Variants in USP26 observed in about 807,000 individuals in gnomAD.
The protein encoded by USP26 is ubiquitin specific peptidase 26.
For missense variants in USP26, 649 were observed against 642.3 expected (o/e 1.01, Z -0.11); for synonymous variants, 236 against 240.6 (o/e 0.98, Z 0.18).
intron 5 of USP26, among the ~76,000 whole-genome samples, chrX:133,059,650 A>G (rs1276229548): frequency 9.1e-6 from 1 of 109,608 alleles, no homozygotes; most frequent in East Asian, 2.9e-4. Context: ...AAAACAGTCT[A>G]TTAAATTAAT....
chrX:133,076,327 T>C (rs1411135005), intron 5 of USP26, among the ~76,000 whole-genome samples: 1 of 111,301 alleles, frequency 9.0e-6, no homozygotes, highest in Non-Finnish European at 1.9e-5. Context: ...GCTAACTCTT[T>C]GAGTTCATAA....
In USP26 at chrX:133,023,647, A is replaced by G. The variant is rs1028572846; in HGVS notation, c.*1832T>C. On this transcript the variant is annotated 3_prime_UTR_variant, in exon 6 of 6. Coordinates refer to ENST00000511190, the MANE Select transcript of USP26 (RefSeq NM_031907.3). ...TTCTTCCCTAAGAGTGATCAATTCA[A>G]TCTATGATATTCCCTCCTATATACC... Among the ~76,000 whole-genome samples the G allele has an allele frequency of 9.0e-6, 1 of 111,710 alleles. No individual in the cohort carries two copies. Among genetic ancestry groups the G allele is most frequent in the Non-Finnish European group, 1.9e-5 (1 of 53,164 alleles).
At chrX:133,062,605 T>TACCCAG (rs1201142797) in intron 5 of USP26, among the ~76,000 whole-genome samples, 2 of 111,350 alleles carry the variant, frequency 1.8e-5, no homozygotes, top group Non-Finnish European at 3.8e-5. Context: ...CCGCTGGTAA[T>TACCCAG]ACCCAGGCAA....
chrX:133,039,281 G>T (rs1409486746), intron 5 of USP26, among the ~76,000 whole-genome samples: 1 of 111,434 alleles, frequency 9.0e-6, no homozygotes, highest in Non-Finnish European at 1.9e-5. Context: ...GATCTTTCCT[G>T]CTTTCTGATG....
At chrX:133,085,897 T>A (rs1285644035) in intron 4 of USP26, among the ~76,000 whole-genome samples, 2 of 111,254 alleles carry the variant, frequency 1.8e-5, no homozygotes, top group African/African-American at 6.6e-5. Flanking sequence ...GCATGAGTTT[T>A]CTCCAGGTAC....
intron 5 of USP26, among the ~76,000 whole-genome samples, chrX:133,043,534 C>T (rs2148528697): frequency 8.9e-6 from 1 of 112,630 alleles, no homozygotes; most frequent in South Asian, 3.6e-4. Context: ...CCTTCACTGA[C>T]ATCTTTGCTT....
rs1464085639 is a variant in USP26, at chrX:133,023,860, T to A, written c.*1619A>T. Among the ~76,000 whole-genome samples, 1 of 111,869 alleles carries A rather than the reference T, an allele frequency of 8.9e-6. No individual in the cohort carries two copies. The highest frequency in any genetic ancestry group is 3.3e-5 in the African/African-American group (1 of 30,756). On this transcript the variant is annotated 3_prime_UTR_variant, in exon 6 of 6. Transcript: ENST00000511190. The stretch of plus-strand genomic sequence containing the variant: ...TAAGAGCATCAACAAGCTCTTGGAT[T>A]AATACAACTATACTGAAGCCATACC...
intron 5 of USP26, among the ~76,000 whole-genome samples, chrX:133,039,138 A>T (rs765206794): frequency 9.0e-6 from 1 of 111,217 alleles, no homozygotes; most frequent in African/African-American, 3.3e-5. Flanking sequence ...GATTTTTTTT[A>T]ACAGTTTTTC....
intron 1 of USP26, among the ~76,000 whole-genome samples, chrX:133,091,909 G>T (rs1460834469): frequency 8.9e-6 from 1 of 111,787 alleles, no homozygotes; most frequent in Non-Finnish European, 1.9e-5. Flanking sequence ...TTCCATCACA[G>T]GTTCTGAAGG....
chrX:133,085,015 GC>G (rs908394150), intron 4 of USP26, among the ~76,000 whole-genome samples: 2 of 111,599 alleles, frequency 1.8e-5, no homozygotes, highest in African/African-American at 6.5e-5. Context: ...TGCAACCTCT[GC>G]CCCCCAGGTC....
intron 4 of USP26, among the ~76,000 whole-genome samples, chrX:133,089,553 A>G (rs2067600483): frequency 8.9e-6 from 1 of 111,734 alleles, no homozygotes; most frequent in Non-Finnish European, 1.9e-5. Context: ...GTTTCCCAAG[A>G]GAAGACAGTA....
At chrX:133,047,820 C>T (rs912905499) in intron 5 of USP26, among the ~76,000 whole-genome samples, 1 of 111,660 alleles carries the variant, frequency 9.0e-6, no homozygotes, top group African/African-American at 3.3e-5. Flanking sequence ...GAAGAGTGCC[C>T]TTACTAGACA....
At chrX:133,042,888 T>C (rs1437867348) in intron 5 of USP26, among the ~76,000 whole-genome samples, 2 of 109,307 alleles carry the variant, frequency 1.8e-5, no homozygotes, top group Non-Finnish European at 1.9e-5. Context: ...ATTTTGACAG[T>C]AAAGCAACAT....
At chrX:133,093,021 T>C (rs948542848) in intron 1 of USP26, among the ~76,000 whole-genome samples, 3 of 107,685 alleles carry the variant, frequency 2.8e-5, no homozygotes, top group African/African-American at 1.0e-4. Flanking sequence ...ACTTGGGAGG[T>C]TGAGGCAGGT....
rs1188842760 is a variant in USP26 at position 133,034,654 on chromosome X, C to T, written c.-76-6358G>A. On this transcript the variant is annotated intron_variant, in intron 5 of 5. Coordinates refer to ENST00000511190, the MANE Select transcript of USP26 (RefSeq NM_031907.3). ...AAGATGCAAAACTGAGTAACAAGAACTATAATACACTGCACAAGAATTACC... is the reference window on the plus strand; with the variant it reads ...AAGATGCAAAACTGAGTAACAAGAATTATAATACACTGCACAAGAATTACC... 2.7e-5 allele frequency among the ~76,000 whole-genome samples: 3 copies of T among 111,717 alleles called. No homozygotes were observed. The East Asian group carries it at 8.4e-4, about 31-fold the overall frequency.
At chrX:133,076,812 T>C (rs1379032658) in intron 5 of USP26, among the ~76,000 whole-genome samples, 1 of 111,790 alleles carries the variant, frequency 8.9e-6, no homozygotes, top group African/African-American at 3.2e-5. Flanking sequence ...CTGCAGATAA[T>C]ACAGCTCTGG....
At chrX:133,061,852 C>T (rs960400521) in intron 5 of USP26, among the ~76,000 whole-genome samples, 3 of 111,708 alleles carry the variant, frequency 2.7e-5, no homozygotes, top group Non-Finnish European at 3.8e-5. Flanking sequence ...AGCAAAAAAC[C>T]GGGCGACTGT....
intron 5 of USP26, among the ~76,000 whole-genome samples, chrX:133,030,844 C>G (rs1386963067): frequency 8.9e-5 from 10 of 111,905 alleles, no homozygotes; most frequent in Admixed American, 3.8e-4. Flanking sequence ...ATGGATGATG[C>G]TTTAAGAAGA....
At chrX:133,057,553 A>G (rs112403374) in intron 5 of USP26, among the ~76,000 whole-genome samples, 433 of 110,242 alleles carry the variant, frequency 3.9e-3, no homozygotes, top group African/African-American at 0.013. Flanking sequence ...CTAGTTTCCT[A>G]AAGTATAAGC....
Sources: gnomAD v4.1 joint callset for allele counts (sites outside exome capture counted in the v4.1 genomes callset) on GRCh38, gnomAD v4.1.1 for gene constraint, MANE v1.5 for transcripts, NCBI Gene and HGNC (gene_info 2026-07-23, HGNC 2026-07-21) for gene names.